Variants in FKBP5 observed in about 807,000 individuals in gnomAD.
FKBP5 encodes the protein FKBP prolyl isomerase 5, also known as peptidyl-prolyl cis-trans isomerase FKBP5.
Under a neutral mutation model 50.5 loss-of-function variants are expected in FKBP5, and 23 were observed. The observed-to-expected ratio is 0.46, with a 90% confidence interval of 0.33 to 0.65. The LOEUF is 0.65. Among genes scored for constraint, FKBP5 ranks in the 30% least tolerant of loss-of-function variants. The pLI is 0.02. For missense variants in FKBP5, 411 were observed against 553.1 expected, an observed-to-expected ratio of 0.74 and a Z score of 2.58; for synonymous variants, 176 against 190.6, an observed-to-expected ratio of 0.92 and a Z score of 0.63.
At chr6:35,611,505 A>T (rs1388250490) in intron 5 of FKBP5, among the ~76,000 whole-genome samples, 1 of 152,120 alleles carries the variant, frequency 6.6e-6, no homozygotes, top group African/African-American at 2.4e-5. Context: ...AGACTGGGGG[A>T]TGGGGGAAGA....
At position 35,575,910 on chromosome 6, in the gene FKBP5, A is replaced by C; in HGVS notation, c.1299T>G (p.Thr433=). ...CTTTTTCATTAGTGACCCCTTCTGA[A>C]GTCTTCTTGCCCATTGCTTTATTGG... The part of the protein sequence containing the change: ...EEANKAMGKK[T]SEGVTNEKGT... The change falls in exon 11 of 11, where the codon ACT becomes ACG. Residue 433 remains threonine, a synonymous_variant. Transcript: ENST00000357266. 6.2e-7 allele frequency: 1 copy of C among 1,613,874 alleles called. No individual in the cohort carries two copies. The highest frequency in any genetic ancestry group is 8.5e-7 in the Non-Finnish European group (1 of 1,179,812).
chr6:35,615,681 T>C (rs561978354), intron 5 of FKBP5, among the ~76,000 whole-genome samples: 1 of 152,308 alleles, frequency 6.6e-6, no homozygotes, highest in African/African-American at 2.4e-5. Context: ...TTACCATTAG[T>C]CAAATGCCAC....
chr6:35,670,766 A>T (rs903871978), intron 1 of FKBP5, among the ~76,000 whole-genome samples: 1 of 151,796 alleles, frequency 6.6e-6, no homozygotes, highest in Non-Finnish European at 1.5e-5. Context: ...AAGAAAAGAA[A>T]AACTCATATA....
intron 1 of FKBP5, among the ~76,000 whole-genome samples, chr6:35,651,322 A>G (rs915570851): frequency 6.6e-6 from 1 of 152,168 alleles, no homozygotes; most frequent in African/African-American, 2.4e-5. Context: ...AAACTTAGGG[A>G]AAAAAGATGA....
chr6:35,614,857 G>T (rs2150974396), intron 5 of FKBP5, among the ~76,000 whole-genome samples: 1 of 152,200 alleles, frequency 6.6e-6, no homozygotes, highest in Middle Eastern at 3.4e-3. Context: ...GGGCACGGTG[G>T]CTCATTCCTG....
At chr6:35,588,404 A>G (rs1281008652) in intron 7 of FKBP5, among the ~76,000 whole-genome samples, 1 of 152,154 alleles carries the variant, frequency 6.6e-6, no homozygotes, top group African/African-American at 2.4e-5. Flanking sequence ...AATGTAGCTC[A>G]AATTACTCAA....
intron 3 of FKBP5, among the ~76,000 whole-genome samples, chr6:35,625,908 T>C (rs1325570756): frequency 6.6e-6 from 1 of 150,742 alleles, no homozygotes; most frequent in Non-Finnish European, 1.5e-5. Flanking sequence ...GCCTCCCGAG[T>C]AGCTGGGACT....
intron 5 of FKBP5, among the ~76,000 whole-genome samples, chr6:35,617,617 G>A (rs917152181): frequency 2.0e-5 from 3 of 152,120 alleles, no homozygotes; most frequent in Admixed American, 6.6e-5. Context: ...CTCTTTTGAA[G>A]GATTTCAGCT....
intron 1 of FKBP5, among the ~76,000 whole-genome samples, chr6:35,643,230 A>G (rs7450518): frequency 1.3e-5 from 2 of 152,182 alleles, no homozygotes; most frequent in African/African-American, 2.4e-5. Context: ...AAGTGACAAT[A>G]TATCAATCAC....
intron 3 of FKBP5, among the ~76,000 whole-genome samples, chr6:35,627,563 ATAGGC>A (rs1764037457): frequency 6.6e-6 from 1 of 152,126 alleles, no homozygotes; most frequent in African/African-American, 2.4e-5. Context: ...CTCCCATTCC[ATAGGC>A]TGCCTTTCAT....
chr6:35,709,238 C>T (rs553723793), intron 2 of FKBP5, among the ~76,000 whole-genome samples: 2 of 152,256 alleles, frequency 1.3e-5, no homozygotes, highest in South Asian at 2.1e-4. Context: ...CCTTATAGAA[C>T]CATTGGATCT....
At chr6:35,586,560 A>C (rs751386199) in intron 8 of FKBP5, 1 of 986,114 alleles carries the variant, frequency 1.0e-6, no homozygotes, top group Non-Finnish European at 1.2e-6. Flanking sequence ...TGAGGCTAGA[A>C]GTTTGAGACC....
intron 2 of FKBP5, among the ~76,000 whole-genome samples, chr6:35,708,776 G>T (rs1469503919): frequency 6.6e-6 from 1 of 152,060 alleles, no homozygotes; most frequent in East Asian, 1.9e-4. Flanking sequence ...TTGTTTGTTT[G>T]TTTTGCTGGA....
intron 2 of FKBP5, among the ~76,000 whole-genome samples, chr6:35,639,748 T>C (rs1764424191): frequency 2.0e-5 from 3 of 152,200 alleles, no homozygotes; most frequent in Admixed American, 2.0e-4. Context: ...TTCACATATA[T>C]TCAGAAGAGA....
In FKBP5 at chr6:35,587,177, T is replaced by C. The variant is rs1762627300; in HGVS notation, c.757-60A>G. ...AGAGAGAAAAGCATCAGTTGAGGCC[T>C]ATTGGAACAAAGAGCAGCTAATTCT... On this transcript the variant is annotated intron_variant, in intron 7 of 10. Transcript: ENST00000357266. 3.5e-6 allele frequency: 5 copies of C among 1,440,098 alleles called. No homozygotes were observed. In the Admixed American group the frequency reaches 8.6e-5, roughly 25 times the overall value. 89.2% of individuals were successfully genotyped at this position (1,440,098 alleles called of 1,614,324 possible). A position where few individuals can be genotyped will look rare whatever the true frequency, so the allele number is the denominator to read the frequency against.
At chr6:35,614,081 A>G (rs1763573572) in intron 5 of FKBP5, among the ~76,000 whole-genome samples, 1 of 152,132 alleles carries the variant, frequency 6.6e-6, no homozygotes, top group African/African-American at 2.4e-5. Context: ...CTTTTTGCAG[A>G]GACAAGGTCT....
chr6:35,659,237 G>A lies in FKBP5; in HGVS notation c.-19-16394C>T, dbSNP rs1177837666. ...ACCATGTAGGCCTAGAGTTTTCTTT[G>A]TGGGAATTCAATTTTTTTTTTTTTT... On this transcript the variant is annotated intron_variant, in intron 1 of 10. Transcript: ENST00000357266. Among the ~76,000 whole-genome samples the A allele has an allele frequency of 2.5e-5, 2 of 80,834 alleles. 1 individual carries two copies. Among genetic ancestry groups the A allele is most frequent in the Non-Finnish European group, 5.6e-5 (2 of 35,486 alleles). 53.0% of individuals were successfully genotyped at this position (80,834 alleles called of 152,430 possible). A position where few individuals can be genotyped will look rare whatever the true frequency, so the allele number is the denominator to read the frequency against.
chr6:35,575,773 T>TG lies in FKBP5; in HGVS notation c.*61dup. On this transcript the variant is annotated 3_prime_UTR_variant, in exon 11 of 11. Transcript: ENST00000357266. ...CATTAAACACTGTTCTGTCCTGAGT[T>TG]GGGGGAAAGCCCATTGAGGAGGGGC... 1 of 1,064,280 alleles carries TG rather than the reference T, an allele frequency of 9.4e-7. No individual in the cohort carries two copies. Among genetic ancestry groups the TG allele is most frequent in the Non-Finnish European group, 1.5e-6 (1 of 677,746 alleles). 65.9% of individuals were successfully genotyped at this position (1,064,280 alleles called of 1,614,324 possible).
intron 1 of FKBP5, among the ~76,000 whole-genome samples, chr6:35,686,506 C>A (rs1765832574): frequency 6.6e-6 from 1 of 151,970 alleles, no homozygotes; most frequent in African/African-American, 2.4e-5. Flanking sequence ...CACTAAAGAG[C>A]AATTATATAA....
Sources: allele counts gnomAD v4.1 joint callset (sites outside exome capture counted in the v4.1 genomes callset), GRCh38; gene constraint gnomAD v4.1.1; transcripts MANE v1.5; gene names NCBI Gene and HGNC (gene_info 2026-07-23, HGNC 2026-07-21).